The following CTNNA3 variants were observed in gnomAD, a reference collection of about 807,000 sequenced individuals.
The protein encoded by CTNNA3 is catenin alpha 3.
A neutral mutation model predicts 95.7 loss-of-function variants in CTNNA3; 76 were observed. That is an observed-to-expected ratio of 0.79 (90% CI 0.66 to 0.96). The LOEUF (loss-of-function observed/expected upper bound fraction) is 0.96, where lower values mean the gene tolerates loss of function less well. Ranked by LOEUF, CTNNA3 falls within the 40% of genes least tolerant of loss-of-function variation. The pLI is 0.00. For missense variants in CTNNA3, 1,191 were observed against 1,089.8 expected (o/e 1.09, Z -1.31); for synonymous variants, 431 against 374.4 (o/e 1.15, Z -1.74).
intron 13 of CTNNA3, among the ~76,000 whole-genome samples, chr10:66,200,740 T>C (rs957276666): frequency 2.0e-5 from 3 of 152,240 alleles, no homozygotes; most frequent in Non-Finnish European, 4.4e-5. Context: ...GTTATAGCAT[T>C]TTACTGAAAT....
chr10:67,183,683 G>C (rs1862694486), intron 6 of CTNNA3, among the ~76,000 whole-genome samples: 1 of 151,608 alleles, frequency 6.6e-6, no homozygotes, highest in Admixed American at 6.6e-5. Context: ...AAAACTTAAA[G>C]TATAATTAAA....
At chr10:67,547,209 T>C (rs1450623789) in intron 3 of CTNNA3, among the ~76,000 whole-genome samples, 4 of 151,298 alleles carry the variant, frequency 2.6e-5, no homozygotes, top group Admixed American at 6.6e-5. Flanking sequence ...CCATAGCACC[T>C]CCCCCCCAAA....
intron 15 of CTNNA3, among the ~76,000 whole-genome samples, chr10:66,052,970 G>A (rs1356929277): frequency 6.6e-6 from 1 of 151,972 alleles, no homozygotes; most frequent in African/African-American, 2.4e-5. Flanking sequence ...AAAATTCTAT[G>A]CATAGAATAT....
intron 9 of CTNNA3, among the ~76,000 whole-genome samples, chr10:66,711,634 C>T (rs1403982497): frequency 6.6e-6 from 1 of 151,974 alleles, no homozygotes; most frequent in Non-Finnish European, 1.5e-5. Context: ...CTGCAAACTT[C>T]ACCTCCCGGG....
chr10:66,905,235 C>A (rs891034117), intron 7 of CTNNA3, among the ~76,000 whole-genome samples: 2 of 152,104 alleles, frequency 1.3e-5, no homozygotes, highest in African/African-American at 4.8e-5. Context: ...ATCGATGATG[C>A]TGGAAACCAT....
intron 12 of CTNNA3, among the ~76,000 whole-genome samples, chr10:66,299,278 C>T (rs1464071343): frequency 6.6e-6 from 1 of 152,116 alleles, no homozygotes; most frequent in African/African-American, 2.4e-5. Flanking sequence ...TCGACCTTGG[C>T]AAAATAAACT....
intron 11 of CTNNA3, among the ~76,000 whole-genome samples, chr10:66,457,703 A>C (rs2093503898): frequency 1.4e-5 from 2 of 147,390 alleles, no homozygotes; most frequent in South Asian, 4.3e-4. Context: ...ATGAGCAAAA[A>C]TGCCAGATAC....
chr10:66,654,165 A>G (rs1000535479), intron 9 of CTNNA3, among the ~76,000 whole-genome samples: 1 of 152,130 alleles, frequency 6.6e-6, no homozygotes, highest in African/African-American at 2.4e-5. Context: ...CAGAGTGAAG[A>G]GACAACCTAT....
chr10:66,995,470 A>G (rs893001338), intron 7 of CTNNA3, among the ~76,000 whole-genome samples: 12 of 152,150 alleles, frequency 7.9e-5, no homozygotes, highest in Admixed American at 2.6e-4. Context: ...TCCATTCTCC[A>G]AACATTCACC....
intron 5 of CTNNA3, among the ~76,000 whole-genome samples, chr10:67,412,174 A>G (rs1845391180): frequency 6.6e-6 from 1 of 152,148 alleles, no homozygotes. Context: ...AACATCAAGT[A>G]TATTATATGT....
At chr10:67,009,470 A>G (rs1589595909) in intron 7 of CTNNA3, among the ~76,000 whole-genome samples, 1 of 151,038 alleles carries the variant, frequency 6.6e-6, no homozygotes, top group Non-Finnish European at 1.5e-5. Flanking sequence ...AACCTCTTTC[A>G]TCTGTTTTTC....
intron 13 of CTNNA3, among the ~76,000 whole-genome samples, chr10:66,164,548 C>T (rs1200713794): frequency 6.6e-6 from 1 of 151,558 alleles, no homozygotes; most frequent in Non-Finnish European, 1.5e-5. Flanking sequence ...TTTCCCTCTT[C>T]CCCTCAGACA....
chr10:66,705,023 T>G (rs970431405), intron 9 of CTNNA3, among the ~76,000 whole-genome samples: 35 of 152,124 alleles, frequency 2.3e-4, no homozygotes, highest in Non-Finnish European at 4.9e-4. Flanking sequence ...CTAATGATGT[T>G]TGCATTTTAT....
At chr10:67,176,043 T>C (rs970282879) in intron 7 of CTNNA3, among the ~76,000 whole-genome samples, 5 of 152,152 alleles carry the variant, frequency 3.3e-5, no homozygotes, top group Non-Finnish European at 7.4e-5. Context: ...GAAATATATA[T>C]ATCCCTAAGT....
chr10:66,990,703 T>C (rs1158020234), intron 7 of CTNNA3, among the ~76,000 whole-genome samples: 1 of 152,206 alleles, frequency 6.6e-6, no homozygotes, highest in Non-Finnish European at 1.5e-5. Context: ...TATAGCAAAG[T>C]TAACATTGAA....
At chr10:67,244,721 C>G (rs981173682) in intron 5 of CTNNA3, among the ~76,000 whole-genome samples, 1 of 152,120 alleles carries the variant, frequency 6.6e-6, no homozygotes, top group Non-Finnish European at 1.5e-5. Context: ...AGAAATGCTT[C>G]AGAGAGAGGA....
At chr10:66,490,994 A>G (rs1839903634) in intron 11 of CTNNA3, among the ~76,000 whole-genome samples, 1 of 152,178 alleles carries the variant, frequency 6.6e-6, no homozygotes, top group Admixed American at 6.5e-5. Context: ...ACATGATACA[A>G]TTCTCCAAAT....
chr10:66,866,983 G>C (rs544499591), intron 7 of CTNNA3, among the ~76,000 whole-genome samples: 1 of 152,196 alleles, frequency 6.6e-6, no homozygotes, highest in African/African-American at 2.4e-5. Flanking sequence ...CATGAGATCT[G>C]ATGGTTTTAT....
chr10:66,454,398 T>C (rs969856053), intron 11 of CTNNA3, among the ~76,000 whole-genome samples: 2 of 151,950 alleles, frequency 1.3e-5, no homozygotes, highest in African/African-American at 2.4e-5. Flanking sequence ...ATGAATGAAA[T>C]AGGGAATTAT....
Sources: allele counts gnomAD v4.1 joint callset (sites outside exome capture counted in the v4.1 genomes callset), GRCh38; gene constraint gnomAD v4.1.1; transcripts MANE v1.5; gene names NCBI Gene and HGNC (gene_info 2026-07-23, HGNC 2026-07-21).